The following ADAD1 variants were observed in gnomAD, a reference collection of about 807,000 sequenced individuals.
ADAD1 encodes adenosine deaminase domain containing 1.
Under a neutral mutation model 66.8 loss-of-function variants are expected in ADAD1, and 46 were observed. The observed-to-expected ratio is 0.69, with a 90% CI of 0.54 to 0.88. The LOEUF (loss-of-function observed/expected upper bound fraction) is 0.88, where lower values mean the gene tolerates loss of function less well. Among genes scored for constraint, ADAD1 ranks in the 40% least tolerant of loss-of-function variants. ADAD1 has a pLI of 0.00. For synonymous variants in ADAD1, 248 were observed against 229.4 expected (o/e 1.08, Z -0.73); for missense variants, 617 against 681.8 (o/e 0.91, Z 1.06).
intron 10 of ADAD1, 140 bp from the exon 11 acceptor site, chr4:122,415,239 A>C (rs187321721): frequency 1.5e-6 from 1 of 645,414 alleles, no homozygotes; most frequent in African/African-American, 1.8e-5. Flanking sequence ...GTAGATGCTA[A>C]GAGAATAGAA....
intron 5 of ADAD1, among the ~76,000 whole-genome samples, chr4:122,391,940 C>T (rs140612289): frequency 4.1e-4 from 63 of 152,242 alleles, no homozygotes; most frequent in African/African-American, 1.4e-3. Flanking sequence ...AAACTCCCAG[C>T]CTCAAGTGAT....
At chr4:122,393,812 A>G (rs1795569365) in intron 6 of ADAD1, among the ~76,000 whole-genome samples, 155 bp downstream of exon 6, 1 of 152,178 alleles carries the variant, frequency 6.6e-6, no homozygotes, top group African/African-American at 2.4e-5. Flanking sequence ...TTTTTTCTAT[A>G]CTATGCTAAA....
intron 7 of ADAD1, among the ~76,000 whole-genome samples, chr4:122,400,517 A>G (rs529988073): frequency 1.3e-5 from 2 of 152,232 alleles, no homozygotes; most frequent in South Asian, 4.1e-4. Flanking sequence ...TACTGGCTTC[A>G]TAGAATGTTT....
intron 5 of ADAD1, among the ~76,000 whole-genome samples, chr4:122,388,511 G>T (rs1161712879): frequency 6.6e-6 from 1 of 152,042 alleles, no homozygotes; most frequent in African/African-American, 2.4e-5. Flanking sequence ...CTTTTTTTTG[G>T]TTGGTAGGCT....
At chr4:122,399,758 T>TA (rs1795885479) in intron 7 of ADAD1, among the ~76,000 whole-genome samples, 1 of 139,538 alleles carries the variant, frequency 7.2e-6, no homozygotes, top group South Asian at 2.4e-4. Flanking sequence ...TTTTTTTTTT[T>TA]AGCTGTTGTA....
intron 5 of ADAD1, among the ~76,000 whole-genome samples, chr4:122,386,157 CAAT>C (rs1232550138): frequency 5.3e-5 from 8 of 152,132 alleles, no homozygotes; most frequent in Non-Finnish European, 1.2e-4. Context: ...ACATTCCCAC[CAAT>C]AGTATAAAAG....
At chr4:122,420,680 AG>A (rs1376942946) in intron 11 of ADAD1, among the ~76,000 whole-genome samples, 5 of 152,212 alleles carry the variant, frequency 3.3e-5, no homozygotes, top group Non-Finnish European at 1.5e-5. Context: ...GATACAATAA[AG>A]GGGAAAAGTT....
intron 12 of ADAD1, among the ~76,000 whole-genome samples, chr4:122,428,969 A>G (rs1797385714): frequency 6.6e-6 from 1 of 152,196 alleles, no homozygotes; most frequent in Admixed American, 6.5e-5. Context: ...AAAAATGAAA[A>G]TTCGCCAAAA....
At chr4:122,381,851 CAT>C (rs1491251294) in intron 4 of ADAD1, among the ~76,000 whole-genome samples, 5 of 152,058 alleles carry the variant, frequency 3.3e-5, no homozygotes, top group African/African-American at 7.3e-5. Context: ...TGTATATGTA[CAT>C]GTGTGTGTGT....
chr4:122,426,068 G>T (rs1467977068), intron 12 of ADAD1, among the ~76,000 whole-genome samples: 1 of 151,900 alleles, frequency 6.6e-6, no homozygotes, highest in African/African-American at 2.4e-5. Context: ...TCTAAATTTG[G>T]TTCATTAAAA....
Position 122,422,977 on chromosome 4 carries a change from A to AG in ADAD1, c.1617+1587_1617+1588insG, listed in dbSNP as rs1553925584. Among the ~76,000 whole-genome samples, 195 of 149,176 alleles carry AG rather than the reference A, an allele frequency of 1.3e-3. 1 individual carries two copies. The highest frequency in any genetic ancestry group is 4.3e-3 in the African/African-American group (172 of 40,330). ...TCTTTAAAAAAAAAAAAAAAAAAAAAAAGAAGAAGAAGAAGAAGAAGGAAA... is the reference window on the plus strand; with the variant it reads ...TCTTTAAAAAAAAAAAAAAAAAAAAAGAAGAAGAAGAAGAAGAAGAAGGAAA... On this transcript the variant is annotated intron_variant, in intron 12 of 12. Transcript: ENST00000296513.
At chr4:122,418,350 C>T (rs1343770671) in intron 11 of ADAD1, among the ~76,000 whole-genome samples, 1 of 147,606 alleles carries the variant, frequency 6.8e-6, no homozygotes, top group Non-Finnish European at 1.5e-5. Context: ...TGCTCTGTCG[C>T]CCAGGCTGGA....
intron 7 of ADAD1, among the ~76,000 whole-genome samples, chr4:122,405,984 G>A (rs1351265688): frequency 6.6e-6 from 1 of 152,002 alleles, no homozygotes; most frequent in Non-Finnish European, 1.5e-5. Context: ...TCCTTTATTG[G>A]GACATGTAGG....
At position 122,404,766 on chromosome 4, in the gene ADAD1, T is replaced by G. The variant is rs112322871; in HGVS notation, c.725-3142T>G. ...TTTTAATTGGGTCTATAAGAAGCTA[T>G]CAGATCTAAATGTCCTTCCCTCCCC... On this transcript the variant is annotated intron_variant, in intron 7 of 12. Transcript: ENST00000296513. Among the ~76,000 whole-genome samples, 649 of 152,146 alleles carry G rather than the reference T, an allele frequency of 4.3e-3. 4 individuals are homozygous for G. The highest frequency in any genetic ancestry group is 0.015 in the African/African-American group (615 of 41,520).
In ADAD1 at chr4:122,397,992, A is replaced by G. The variant is rs1259962570; in HGVS notation, c.724+1615A>G. ...GTATTATTAGAAATTTTGCCTCATC[A>G]GTTTTTAAAAAATTTCAGTAGTTTT... On this transcript the variant is annotated intron_variant, in intron 7 of 12. Transcript: ENST00000296513. Among the ~76,000 whole-genome samples, 5 of 152,152 alleles carry G rather than the reference A, an allele frequency of 3.3e-5. 1 individual carries two copies. Among genetic ancestry groups the G allele is most frequent in the Admixed American group, 2.6e-4 (4 of 15,268 alleles).
At chr4:122,379,560 C>G (rs1185810018) in intron 2 of ADAD1, 115 bp downstream of exon 2, 1 of 154,538 alleles carries the variant, frequency 6.5e-6, no homozygotes, top group Non-Finnish European at 1.4e-5. Flanking sequence ...GCAGAGCGGC[C>G]TGAAGCGAGA....
At chr4:122,409,314 GTTAT>G (rs148882161) in intron 8 of ADAD1, among the ~76,000 whole-genome samples, 2 of 152,164 alleles carry the variant, frequency 1.3e-5, no homozygotes, top group Non-Finnish European at 2.9e-5. Context: ...CCAGCTTTTG[GTTAT>G]TTTTTGTTTT....
chr4:122,428,023 A>G (rs1797333666), intron 12 of ADAD1, among the ~76,000 whole-genome samples: 1 of 152,160 alleles, frequency 6.6e-6, no homozygotes, highest in Non-Finnish European at 1.5e-5. Flanking sequence ...TGCCAATTCT[A>G]TGGGAGAATC....
intron 8 of ADAD1, among the ~76,000 whole-genome samples, chr4:122,408,356 A>G (rs1228835104): frequency 6.6e-6 from 1 of 152,154 alleles, no homozygotes; most frequent in African/African-American, 2.4e-5. Flanking sequence ...GCTTACTGCA[A>G]CCTCTGGCTT....
Sources: gnomAD v4.1 joint callset for allele counts (sites outside exome capture counted in the v4.1 genomes callset) on GRCh38, gnomAD v4.1.1 for gene constraint, MANE v1.5 for transcripts, NCBI Gene and HGNC (gene_info 2026-07-23, HGNC 2026-07-21) for gene names.